The following AGMO variants were observed in gnomAD, a reference collection of about 807,000 sequenced individuals.
The protein encoded by AGMO is glyceryl-ether monooxygenase.
A neutral mutation model predicts 60.2 loss-of-function variants in AGMO; 75 were observed. The observed-to-expected ratio is 1.25, with a 90% CI of 1.03 to 1.51. The LOEUF (loss-of-function observed/expected upper bound fraction) is 1.51. Among genes scored for constraint, AGMO ranks in the 40% most tolerant of loss-of-function variants. The pLI is 0.00. For missense variants in AGMO, 763 were observed against 525.5 expected (o/e 1.45, Z -4.42); for synonymous variants, 261 against 177.1 (o/e 1.47, Z -3.76).
chr7:15,394,942 T>G (rs961479711), intron 5 of AGMO, among the ~76,000 whole-genome samples: 8 of 152,188 alleles, frequency 5.3e-5, no homozygotes, highest in Admixed American at 6.5e-5. Flanking sequence ...TTTCTTAGAT[T>G]CCCCTAGTTC....
chr7:15,220,393 T>G (rs909910033), intron 12 of AGMO, among the ~76,000 whole-genome samples: 3 of 151,220 alleles, frequency 2.0e-5, no homozygotes, highest in African/African-American at 4.9e-5. Flanking sequence ...GCTAATTTTT[T>G]TTTTTAGTAG....
chr7:15,310,791 C>G (rs1003225303), intron 12 of AGMO, among the ~76,000 whole-genome samples: 2 of 152,036 alleles, frequency 1.3e-5, no homozygotes, highest in African/African-American at 4.8e-5. Context: ...CCTCACTGTT[C>G]GAAAATCAAG....
intron 12 of AGMO, among the ~76,000 whole-genome samples, chr7:15,240,164 T>C (rs113576341): frequency 6.6e-6 from 1 of 152,196 alleles, no homozygotes; most frequent in East Asian, 1.9e-4. Context: ...ACATGCTAAC[T>C]ACCTGGTGTG....
At chr7:15,249,488 C>T (rs1782866966) in intron 12 of AGMO, among the ~76,000 whole-genome samples, 1 of 152,148 alleles carries the variant, frequency 6.6e-6, no homozygotes, top group Non-Finnish European at 1.5e-5. Flanking sequence ...TGTTTTCCTG[C>T]TATCCCATAT....
intron 12 of AGMO, among the ~76,000 whole-genome samples, chr7:15,275,513 A>T (rs1379639916): frequency 3.3e-5 from 5 of 152,172 alleles, no homozygotes; most frequent in Non-Finnish European, 7.4e-5. Context: ...AAAAAAATGT[A>T]TATTCTGTAG....
intron 12 of AGMO, among the ~76,000 whole-genome samples, chr7:15,330,479 CAA>C (rs1457529119): frequency 6.6e-6 from 1 of 152,106 alleles, no homozygotes; most frequent in Non-Finnish European, 1.5e-5. Flanking sequence ...GAACAAAAGA[CAA>C]TATTTTGGCA....
intron 10 of AGMO, among the ~76,000 whole-genome samples, chr7:15,385,184 C>A (rs1783863978): frequency 6.6e-6 from 1 of 152,246 alleles, no homozygotes; most frequent in South Asian, 2.1e-4. Context: ...TTGTTTATGG[C>A]AAATAATTTC....
the AGMO span, among the ~76,000 whole-genome samples, chr7:15,123,565 T>C: frequency 6.6e-6 from 1 of 152,118 alleles, no homozygotes; most frequent in African/African-American, 2.4e-5. Context: ...GTTACTATAC[T>C]TGACTCTCAT....
chr7:15,473,276 C>T (rs79982763), intron 3 of AGMO, among the ~76,000 whole-genome samples: 21 of 151,588 alleles, frequency 1.4e-4, no homozygotes, highest in African/African-American at 3.6e-4. Flanking sequence ...AACCAAAAAA[C>T]GCCTAGGATC....
the AGMO span, among the ~76,000 whole-genome samples, chr7:15,137,979 C>G: frequency 6.6e-6 from 1 of 152,140 alleles, no homozygotes; most frequent in South Asian, 2.1e-4. Context: ...ACAACACTCT[C>G]TGGCCCTTTG....
the AGMO span, among the ~76,000 whole-genome samples, chr7:15,135,250 G>A: frequency 6.6e-6 from 1 of 151,756 alleles, no homozygotes; most frequent in Non-Finnish European, 1.5e-5. Context: ...TGATAGCTAA[G>A]AGAATTTTTA....
At chr7:15,452,895 A>G (rs1415431483) in intron 3 of AGMO, among the ~76,000 whole-genome samples, 2 of 152,246 alleles carry the variant, frequency 1.3e-5, no homozygotes, top group African/African-American at 4.8e-5. Context: ...AGCAAGCCAT[A>G]AAAGGAATGA....
chr7:15,403,921 C>T (rs1784621967), intron 5 of AGMO, among the ~76,000 whole-genome samples: 1 of 151,950 alleles, frequency 6.6e-6, no homozygotes, highest in African/African-American at 2.4e-5. Flanking sequence ...AGGATATGTG[C>T]TTGTCTGCCT....
chr7:15,318,001 T>C (rs908469481), intron 12 of AGMO, among the ~76,000 whole-genome samples: 28 of 140,220 alleles, frequency 2.0e-4, no homozygotes, highest in Non-Finnish European at 3.0e-4. Flanking sequence ...CACGTATATA[T>C]ATACATATAT....
At chr7:15,220,208 CTTTTTTTTTTT>C (rs904364065) in intron 12 of AGMO, among the ~76,000 whole-genome samples, 1 of 109,534 alleles carries the variant, frequency 9.1e-6, no homozygotes, top group African/African-American at 4.2e-5. Flanking sequence ...CTGACTGTGC[CTTTTTTTTTTT>C]TTTTTTTTTT....
At chr7:15,189,475 T>G in the AGMO span, among the ~76,000 whole-genome samples, 3 of 152,164 alleles carry the variant, frequency 2.0e-5, no homozygotes, top group African/African-American at 7.2e-5. Context: ...GCTAGTGAGA[T>G]AGAACTGGTA....
chr7:15,175,629 CA>C, the AGMO span, among the ~76,000 whole-genome samples: 77,954 of 151,080 alleles, frequency 0.52, 22,453 homozygotes, highest in African/African-American at 0.77. Context: ...ATTTTATGTC[CA>C]AAAAAAAGGA....
chr7:15,503,234 C>A (rs1047627120), intron 3 of AGMO, among the ~76,000 whole-genome samples: 18 of 151,944 alleles, frequency 1.2e-4, no homozygotes, highest in Non-Finnish European at 2.5e-4. Context: ...GATTGTTGAA[C>A]AAAGAGCTGG....
At chr7:15,202,480 A>AAAAAAAC (rs1781321134) in intron 12 of AGMO, among the ~76,000 whole-genome samples, 1 of 129,226 alleles carries the variant, frequency 7.7e-6, no homozygotes, top group Non-Finnish European at 1.6e-5. Flanking sequence ...AAAAAAAAAA[A>AAAAAAAC]AAAAAAAAAC....
Sources: gnomAD v4.1 joint callset for allele counts (sites outside exome capture counted in the v4.1 genomes callset) on GRCh38, gnomAD v4.1.1 for gene constraint, MANE v1.5 for transcripts, NCBI Gene and HGNC (gene_info 2026-07-23, HGNC 2026-07-21) for gene names.